Variants in FTSJ3 observed in about 807,000 individuals in gnomAD.
FTSJ3 encodes FtsJ RNA 2'-O-methyltransferase 3.
In FTSJ3, 46 loss-of-function variants were observed where a neutral mutation model predicts 111.5. The observed-to-expected ratio is 0.41, with a 90% CI of 0.33 to 0.53. The LOEUF (loss-of-function observed/expected upper bound fraction) is 0.53, where lower values mean the gene tolerates loss of function less well. Ranked by LOEUF, FTSJ3 falls within the 20% of genes least tolerant of loss-of-function variation. FTSJ3 has a pLI of 0.19. For synonymous variants in FTSJ3, 408 were observed against 383.0 expected (o/e 1.07, Z -0.76); for missense variants, 1,075 against 1,063.8 (o/e 1.01, Z -0.15).
chr17:63,822,217 G>GTT (rs748367863), intron 13 of FTSJ3, 49 bp from the exon 14 acceptor site: 10 of 1,480,862 alleles, frequency 6.8e-6, no homozygotes, highest in African/African-American at 2.8e-5. Flanking sequence ...GAAATATACT[G>GTT]TTTTTTTTTC....
At chr17:63,824,759 T>A (rs777652105) in intron 9 of FTSJ3, 22 bp from the exon 10 acceptor site, 79 of 1,608,842 alleles carry the variant, frequency 4.9e-5, no homozygotes, top group Non-Finnish European at 6.5e-5. Flanking sequence ...GATGGAAAGG[T>A]GTCAGGGGAG....
rs776844588 is a variant in FTSJ3, at chr17:63,824,192, G to A, written c.1046C>T (p.Ala349Val). The A allele has an allele frequency of 6.2e-7, 1 of 1,614,124 alleles. No homozygotes were observed. The highest frequency in any genetic ancestry group is 8.5e-7 in the Non-Finnish European group (1 of 1,180,032). ...EDEGDEEDSTAGTTKQPSKEE... is the reference protein window; with the variant it reads ...EDEGDEEDSTVGTTKQPSKEE... ...CTTAGAGGGCTGCTTTGTGGTTCCA[G>A]CTGTTGAGTCCTCCTCATCACCTTC... Residue 349 changes from alanine (A) to valine (V), a missense_variant, in exon 12 of 21, where the codon GCT becomes GTT. Ala to Val is a moderately conservative substitution (Grantham distance 64, BLOSUM62 0). Transcript: ENST00000427159.
chr17:63,824,321 C>G lies in FTSJ3; in HGVS notation c.998+10G>C. The G allele has an allele frequency of 3.7e-6, 6 of 1,614,188 alleles. No homozygotes were observed. The highest frequency in any genetic ancestry group is 5.1e-6 in the Non-Finnish European group (6 of 1,180,020). On this transcript the variant is annotated intron_variant, in intron 11 of 20. Transcript: ENST00000427159. ...CAGTCCACACCTGCCTCGCTGCGTT[C>G]TCTCCTCACCTGATGTCCAGTGCCT...
chr17:63,824,011 T>C (rs949368611), intron 12 of FTSJ3, 59 bp from the exon 13 acceptor site: 1 of 1,613,640 alleles, frequency 6.2e-7, no homozygotes, highest in Admixed American at 1.7e-5. Context: ...TATCCATGCC[T>C]TGCATTTTCT....
Position 63,820,687 on chromosome 17 carries a change from G to A in FTSJ3, c.2072+152C>T. ...CCAGCTACTCAGAAGGCTGACTCAA[G>A]CGATTCAAGGAGAATCAGGCTGCAG... On this transcript the variant is annotated intron_variant, in intron 18 of 20. Coordinates refer to ENST00000427159, the MANE Select transcript of FTSJ3 (RefSeq NM_017647.4). 1.2e-5 allele frequency: 3 copies of A among 245,256 alleles called. No individual in the cohort carries two copies. The East Asian group carries it at 2.0e-4, about 16-fold the overall frequency. The allele number at this position is 245,256 out of a possible 1,614,324, so 15.2% of individuals were successfully genotyped here.
intron 13 of FTSJ3, among the ~76,000 whole-genome samples, chr17:63,822,899 T>G (rs2040064243): frequency 6.6e-6 from 1 of 152,204 alleles, no homozygotes; most frequent in African/African-American, 2.4e-5. Flanking sequence ...TCTATTATTG[T>G]TTTACAGATG....
chr17:63,826,972 C>G, intron 1 of FTSJ3, 44 bp from the exon 2 acceptor site: 1 of 1,331,768 alleles, frequency 7.5e-7, no homozygotes, highest in South Asian at 1.2e-5. Context: ...TCCGGAGCAC[C>G]AGATTCCACT....
chr17:63,827,421 C>A lies in FTSJ3; in HGVS notation c.-396G>T, dbSNP rs998901696. On this transcript the variant is annotated 5_prime_UTR_variant, in exon 1 of 21. Coordinates refer to ENST00000427159, the MANE Select transcript of FTSJ3 (RefSeq NM_017647.4). ...TTCTTCTCTGCCTGGTCTTCAGGTC[C>A]CAATCCTCCGCTTCCGCGCTTGCGC... is the stretch of plus-strand genomic sequence containing the variant. The A allele has an allele frequency of 5.8e-6, 9 of 1,550,524 alleles. No individual in the cohort carries two copies. The African/African-American group carries it at 1.1e-4, about 19-fold the overall frequency.
rs759584076 is a variant in FTSJ3, at chr17:63,819,920, C to T, written c.2426G>A (p.Arg809His). The T allele has an allele frequency of 1.2e-5, 20 of 1,614,152 alleles. No individual in the cohort carries two copies. Among genetic ancestry groups the T allele is most frequent in the South Asian group, 9.9e-5 (9 of 91,088 alleles). The change falls in exon 21 of 21, where the codon CGC (arginine) becomes CAC (histidine). Residue 809 changes from arginine (R) to histidine (H), a missense_variant. Physicochemically the swap from Arg to His is conservative, Grantham distance 29. Coordinates refer to ENST00000427159, the MANE Select transcript of FTSJ3 (RefSeq NM_017647.4). ...TYVVAKKGVG[R>H]KVRRPAGVRG... is the part of the protein sequence containing the mutation. ...GACTCCAGCTGGCCGGCGCACTTTG[C>T]GGCCCACACCTTTTTTGGCTACAAC...
rs531298655 is a variant in FTSJ3 at position 63,821,668 on chromosome 17, C to T, written c.1597-25G>A. 6.8e-6 allele frequency: 11 copies of T among 1,613,742 alleles called. No homozygotes were observed. The South Asian group carries it at 9.9e-5, about 14-fold the overall frequency. On this transcript the variant is annotated intron_variant, in intron 15 of 20. Transcript: ENST00000427159. ...CCTGTGATAGGAGAACATCAGCTGC[C>T]CTTCTCCCAAGGAAGACTCATCTCC...
At chr17:63,821,259 C>A (rs1368234075) in intron 16 of FTSJ3, 95 bp downstream of exon 16, 1 of 1,495,814 alleles carries the variant, frequency 6.7e-7, no homozygotes, top group Non-Finnish European at 9.2e-7. Flanking sequence ...TTTTAACCCT[C>A]CCCATGTGCA....
rs2144608160 is a variant in FTSJ3 at position 63,824,423 on chromosome 17, ATACTAT to A, written c.918-18_918-13del. The A allele has an allele frequency of 6.2e-7, 1 of 1,613,194 alleles. No homozygotes were observed. The highest frequency in any genetic ancestry group is 2.2e-5 in the East Asian group (1 of 44,878). On this transcript the variant is annotated splice_polypyrimidine_tract_variant and intron_variant, in intron 10 of 20. Coordinates refer to ENST00000427159, the MANE Select transcript of FTSJ3 (RefSeq NM_017647.4). ...AGTTTAGTAGCGACCTGCCCCAGAG[ATACTAT>A]TACTGATCTTGCCATCTCCCTCTTT...
At chr17:63,826,965 G>T in intron 1 of FTSJ3, 37 bp from the exon 2 acceptor site, 1 of 1,407,116 alleles carries the variant, frequency 7.1e-7, no homozygotes. Flanking sequence ...GTCTCTTTCC[G>T]GAGCACCAGA....
chr17:63,819,720 C>T lies in FTSJ3; in HGVS notation c.*82G>A, dbSNP rs953711835. On this transcript the variant is annotated 3_prime_UTR_variant, in exon 21 of 21. Coordinates refer to ENST00000427159, the MANE Select transcript of FTSJ3 (RefSeq NM_017647.4). ...GCTGTGATGTGAGCAGGGGCTAGGCCGGTAATCAAGGGGGCCAGACTGAGC... is the reference window on the plus strand; with the variant it reads ...GCTGTGATGTGAGCAGGGGCTAGGCTGGTAATCAAGGGGGCCAGACTGAGC... The T allele has an allele frequency of 1.8e-5, 23 of 1,299,966 alleles. No homozygotes were observed. The highest frequency in any genetic ancestry group is 6.9e-5 in the East Asian group (3 of 43,266). 80.5% of individuals were successfully genotyped at this position (1,299,966 alleles called of 1,614,324 possible). A position where few individuals can be genotyped will look rare whatever the true frequency, so the allele number is the denominator to read the frequency against.
chr17:63,823,798 A>AC lies in FTSJ3; in HGVS notation c.1290+18dup. 1.2e-6 allele frequency: 2 copies of AC among 1,610,542 alleles called. No individual in the cohort carries two copies. Among genetic ancestry groups the AC allele is most frequent in the African/African-American group, 1.3e-5 (1 of 74,618 alleles). ...AGATCCTTCTGTCTCCTAAACCTGCACCCCCAATGCCGCCTCACCTGGTGA... is the reference window on the plus strand; with the variant it reads ...AGATCCTTCTGTCTCCTAAACCTGCACCCCCCAATGCCGCCTCACCTGGTGA... On this transcript the variant is annotated intron_variant, in intron 13 of 20. Coordinates refer to ENST00000427159, the MANE Select transcript of FTSJ3 (RefSeq NM_017647.4).
At chr17:63,827,029 C>T in intron 1 of FTSJ3, 23 bp downstream of exon 1, 4 of 818,858 alleles carry the variant, frequency 4.9e-6, no homozygotes, top group Non-Finnish European at 8.3e-6. Context: ...CAATTCCACC[C>T]CGCGCCCCTC....
In FTSJ3 at chr17:63,827,245, A is replaced by C. The variant is rs1335449371; in HGVS notation, c.-220T>G. 1 of 609,924 alleles carries C rather than the reference A, an allele frequency of 1.6e-6. No individual in the cohort carries two copies. Among genetic ancestry groups the C allele is most frequent in the African/African-American group, 1.9e-5 (1 of 53,998 alleles). 37.8% of individuals were successfully genotyped at this position (609,924 alleles called of 1,614,324 possible). ...TGAGACTAGGAAGGCATATCACAAG[A>C]ACTATAAACAGAGTTTCAATGAGGC... On this transcript the variant is annotated 5_prime_UTR_variant, in exon 1 of 21. Transcript: ENST00000427159.
chr17:63,827,101 C>A lies in FTSJ3; in HGVS notation c.-76G>T. 1 of 539,972 alleles carries A rather than the reference C, an allele frequency of 1.9e-6. No individual in the cohort carries two copies. Among genetic ancestry groups the A allele is most frequent in the Non-Finnish European group, 3.1e-6 (1 of 325,878 alleles). 33.4% of individuals were successfully genotyped at this position (539,972 alleles called of 1,614,324 possible). A position where few individuals can be genotyped will look rare whatever the true frequency, so the allele number is the denominator to read the frequency against. On this transcript the variant is annotated 5_prime_UTR_variant, in exon 1 of 21. Transcript: ENST00000427159. ...CACTTGGAACCGCACAAGTATGCAG[C>A]TAACTACTTCCGCTTCCGCTTGCGT...
At chr17:63,825,904 G>A in intron 5 of FTSJ3, 152 bp downstream of exon 5, 1 of 688,684 alleles carries the variant, frequency 1.5e-6, no homozygotes, top group Non-Finnish European at 2.5e-6. Flanking sequence ...AAAGCCTGGA[G>A]TGGACACTAC....
Sources: gnomAD v4.1 joint callset for allele counts (sites outside exome capture counted in the v4.1 genomes callset) on GRCh38, gnomAD v4.1.1 for gene constraint, MANE v1.5 for transcripts, NCBI Gene and HGNC (gene_info 2026-07-23, HGNC 2026-07-21) for gene names.